NOTCH1: variants seen among roughly 807,000 people sequenced by gnomAD.
NOTCH1 encodes notch receptor 1.
NOTCH1 carries 37 observed loss-of-function variants against 254.8 expected under a neutral mutation model. That is an observed-to-expected ratio of 0.15 (90% confidence interval 0.11 to 0.19). The LOEUF (loss-of-function observed/expected upper bound fraction) is 0.19, where lower values mean the gene tolerates loss of function less well. Ranked by LOEUF, NOTCH1 falls within the 10% of genes least tolerant of loss-of-function variation. NOTCH1 has a pLI of 1.00. For synonymous variants in NOTCH1, 1,731 were observed against 1,618.1 expected (o/e 1.07, Z -1.68); for missense variants, 2,972 against 3,708.6 (o/e 0.80, Z 5.16).
chr9:136,531,745 C>T (rs1337437616), intron 2 of NOTCH1, among the ~76,000 whole-genome samples: 1 of 152,224 alleles, frequency 6.6e-6, no homozygotes, highest in Non-Finnish European at 1.5e-5. Flanking sequence ...ATCCCGGGGG[C>T]AGACGCCGCC....
At chr9:136,525,845 T>C (rs930811722) in intron 2 of NOTCH1, among the ~76,000 whole-genome samples, 2 of 152,266 alleles carry the variant, frequency 1.3e-5, no homozygotes, top group African/African-American at 4.8e-5. Context: ...GGGAGGCATC[T>C]GTCTTCCCCG....
chr9:136,532,510 C>T lies in NOTCH1; in HGVS notation c.141-8531G>A, dbSNP rs148901313. On this transcript the variant is annotated intron_variant, in intron 2 of 33. Transcript: ENST00000651671. ...GACCTTCCTGGAGGGGCCCCCACAG[C>T]ACCAGGAAGGGGCTCCAGGGTGGAT... Among the ~76,000 whole-genome samples the T allele has an allele frequency of 5.7e-3, 867 of 152,302 alleles. 10 individuals carry two copies. Among genetic ancestry groups the T allele is most frequent in the African/African-American group, 0.019 (804 of 41,562 alleles).
At position 136,502,035 on chromosome 9, in the gene NOTCH1, C is replaced by G. The variant is rs755659037; in HGVS notation, c.5438G>C (p.Trp1813Ser). 20 of 1,613,234 alleles carry G rather than the reference C, an allele frequency of 1.2e-5. No homozygotes were observed. The highest frequency in any genetic ancestry group is 1.1e-4 in the East Asian group (5 of 44,884). The change falls in exon 29 of 34, where the codon TGG becomes TCG. Residue 1813 changes from tryptophan to serine, a missense_variant. By Grantham distance (177) the Trp-to-Ser change is radical. Around this residue, in one of 8 missense-constraint regions of NOTCH1, gnomAD observed 421 missense variants for 604.4 expected, o/e 0.70. Transcript: ENST00000651671. ...GALMDDNQNE[W>S]GDEDLETKKF... ...CTTGGTCTCCAGGTCCTCGTCCCCC[C>G]ACTCATTCTGGTTGTCGTCCATGAG...
At position 136,498,971 on chromosome 9, in the gene NOTCH1, G is replaced by A. The variant is rs369167693; in HGVS notation, c.6108C>T (p.Ala2036=). The A allele has an allele frequency of 7.8e-5, 126 of 1,613,528 alleles. No homozygotes were observed. In the African/African-American group the frequency reaches 1.3e-3, roughly 16 times the overall value. Residue 2036 remains alanine (A), a synonymous_variant, in exon 33 of 34, where the codon GCC becomes GCT. Transcript: ENST00000651671. ...DLGKSALHWA[A]AVNNVDAAVV... Reference sequence around the variant, plus strand: ...CTGCGGCATCCACATTGTTCACGGCGGCGGCCCAGTGCAGGGCGGACTTGC... The same window carrying A: ...CTGCGGCATCCACATTGTTCACGGCAGCGGCCCAGTGCAGGGCGGACTTGC...
intron 2 of NOTCH1, among the ~76,000 whole-genome samples, chr9:136,531,424 G>A (rs1236035405): frequency 6.6e-6 from 1 of 152,208 alleles, no homozygotes; most frequent in African/African-American, 2.4e-5. Context: ...TGGGAAAGAG[G>A]AGGAAGGCGC....
rs1842889074 is a variant in NOTCH1 at position 136,494,566 on chromosome 9, T to C, written c.*1505A>G. Reference sequence around the variant, plus strand: ...TTTCTGTAAACTACACTCTATTTTATAAAACACAGTAAAAATCAACATCTT... The same window carrying C: ...TTTCTGTAAACTACACTCTATTTTACAAAACACAGTAAAAATCAACATCTT... On this transcript the variant is annotated 3_prime_UTR_variant, in exon 34 of 34. Transcript: ENST00000651671. 3 of 398,924 alleles carry C rather than the reference T, an allele frequency of 7.5e-6. No homozygotes were observed. Among genetic ancestry groups the C allele is most frequent in the Admixed American group, 8.8e-5 (2 of 22,728 alleles). 24.7% of individuals were successfully genotyped at this position (398,924 alleles called of 1,614,324 possible).
At chr9:136,544,243 A>C in intron 1 of NOTCH1, 141 bp from the exon 2 acceptor site, 1 of 799,468 alleles carries the variant, frequency 1.3e-6, no homozygotes, top group South Asian at 1.5e-5. Context: ...GCTCAGTATC[A>C]TGGGTTGCTG....
intron 27 of NOTCH1, 153 bp from the exon 28 acceptor site, chr9:136,502,641 C>A (rs1156306852): frequency 3.5e-6 from 2 of 576,372 alleles, no homozygotes; most frequent in African/African-American, 1.9e-5. Flanking sequence ...TCATTTTCTA[C>A]GCGATTAATC....
intron 4 of NOTCH1, among the ~76,000 whole-genome samples, chr9:136,521,081 TG>T (rs1843360097): frequency 6.6e-6 from 1 of 152,144 alleles, no homozygotes; most frequent in African/African-American, 2.4e-5. Flanking sequence ...CACACACAGC[TG>T]TCTCCTGGGC....
At chr9:136,536,491 G>A (rs994785528) in intron 2 of NOTCH1, among the ~76,000 whole-genome samples, 15 of 152,298 alleles carry the variant, frequency 9.8e-5, no homozygotes, top group African/African-American at 2.6e-4. Flanking sequence ...GGAAGGCCCC[G>A]GAGCAGGCAG....
At chr9:136,499,920 G>A (rs867900779) in intron 31 of NOTCH1, among the ~76,000 whole-genome samples, 12 of 152,332 alleles carry the variant, frequency 7.9e-5, no homozygotes, top group African/African-American at 2.4e-4. Context: ...CCTGAGCTAA[G>A]AAATCAGGAA....
rs754775789 is a variant in NOTCH1, at chr9:136,511,265, G to A, written c.2474C>T (p.Thr825Met). The change falls in exon 16 of 34, where the codon ACG becomes ATG. Residue 825 changes from threonine (T) to methionine (M), a missense_variant. Physicochemically the swap from Thr to Met is moderately conservative, Grantham distance 81 (BLOSUM62 -1). Transcript: ENST00000651671. ...ACACGGGGCCAGCACCACCTCACAC[G>A]TGGCACCTGCGGGAAGGAGACACAC... ...CNCLLPYTGA[T>M]CEVVLAPCAP... 2.7e-5 allele frequency: 44 copies of A among 1,611,366 alleles called. No individual in the cohort carries two copies. Among genetic ancestry groups the A allele is most frequent in the Non-Finnish European group, 3.6e-5 (42 of 1,179,774 alleles).
rs1843245387 is a variant in NOTCH1 at position 136,515,271 on chromosome 9, C to A, written c.2014+19G>T. The stretch of plus-strand genomic sequence containing the variant: ...CTCTGAGCACAGTGCAGTCAGCCCC[C>A]ACGTGCAGGGCCGCTCACCTGTGTA... On this transcript the variant is annotated intron_variant, in intron 12 of 33. Transcript: ENST00000651671. The A allele has an allele frequency of 6.2e-7, 1 of 1,608,510 alleles. No individual in the cohort carries two copies. The highest frequency in any genetic ancestry group is 8.5e-7 in the Non-Finnish European group (1 of 1,176,212).
chr9:136,510,298 A>G (rs953525577), intron 17 of NOTCH1, among the ~76,000 whole-genome samples: 1 of 152,130 alleles, frequency 6.6e-6, no homozygotes, highest in African/African-American at 2.4e-5. Flanking sequence ...GCTTCTGCCA[A>G]CCTCAACCTC....
chr9:136,497,094 C>G lies in NOTCH1; in HGVS notation c.6645G>C (p.Ser2215=), dbSNP rs745339419. The change falls in exon 34 of 34, where the codon TCG becomes TCC. Residue 2215 remains serine, a synonymous_variant. Coordinates refer to ENST00000651671, the MANE Select transcript of NOTCH1 (RefSeq NM_017617.5). ...GGAACGGGGAGGGCAGCAGTGGCGG[C>G]GAGGCCACGTCTGACAGGTAGCCAT... is the stretch of plus-strand genomic sequence containing the variant. ...SPHGYLSDVA[S]PPLLPSPFQQ... 3.1e-6 allele frequency: 5 copies of G among 1,609,698 alleles called. No individual in the cohort carries two copies. The South Asian group carries it at 4.4e-5, about 14-fold the overall frequency.
intron 9 of NOTCH1, 91 bp from the exon 10 acceptor site, chr9:136,516,185 G>A (rs1464269134): frequency 1.0e-6 from 1 of 969,746 alleles, no homozygotes; most frequent in Admixed American, 1.9e-5. Flanking sequence ...GTGAGCGCCT[G>A]GCTGGGCTCC....
rs183351089 is a variant in NOTCH1 at position 136,507,020 on chromosome 9, C to A, written c.3644-47G>T. On this transcript the variant is annotated intron_variant, in intron 22 of 33. Coordinates refer to ENST00000651671, the MANE Select transcript of NOTCH1 (RefSeq NM_017617.5). ...GTGGCCCAAGCCCGCCACACCCCGGCCCTGCCGTGCCGCGTGTCCGTCCCG... is the reference window on the plus strand; with the variant it reads ...GTGGCCCAAGCCCGCCACACCCCGGACCTGCCGTGCCGCGTGTCCGTCCCG... 2.4e-3 allele frequency: 3,793 copies of A among 1,583,574 alleles called. 9 individuals carry two copies. The highest frequency in any genetic ancestry group is 2.4e-3 in the Non-Finnish European group (2,828 of 1,166,808).
At chr9:136,499,488 G>A (rs1049181558) in intron 31 of NOTCH1, among the ~76,000 whole-genome samples, 1 of 152,236 alleles carries the variant, frequency 6.6e-6, no homozygotes, top group African/African-American at 2.4e-5. Context: ...GGTGACAGTG[G>A]GATCCATCGT....
rs1466689418 is a variant in NOTCH1 at position 136,505,567 on chromosome 9, C to T, written c.4329G>A (p.Pro1443=). ...GGGAGRDIPP[P]LIEEACELPE... is the part of the protein sequence containing the mutation. ...GCAGCTCGCACGCCTCCTCGATCAG[C>T]GGCGGGGGGATGTCGCGCCCGGCCC... The change falls in exon 25 of 34, where the codon CCG becomes CCA. Residue 1443 remains proline (P), a synonymous_variant. Coordinates refer to ENST00000651671, the MANE Select transcript of NOTCH1 (RefSeq NM_017617.5). 14 of 1,610,530 alleles carry T rather than the reference C, an allele frequency of 8.7e-6. No individual in the cohort carries two copies. Among genetic ancestry groups the T allele is most frequent in the Middle Eastern group, 1.7e-4 (1 of 6,058 alleles).
Sources: gnomAD v4.1 joint callset for allele counts (sites outside exome capture counted in the v4.1 genomes callset) on GRCh38, gnomAD v4.1.1 for gene constraint, gnomAD v4.1.1 regional missense constraint, MANE v1.5 for transcripts, NCBI Gene and HGNC (gene_info 2026-07-23, HGNC 2026-07-21) for gene names.